Variants in KBTBD8 observed in about 807,000 individuals in gnomAD.
KBTBD8 encodes the protein kelch repeat and BTB domain-containing protein 8.
A neutral mutation model predicts 53.5 loss-of-function variants in KBTBD8; 31 were observed. That is an observed-to-expected ratio of 0.58 (90% CI 0.44 to 0.78). The LOEUF is 0.78. Ranked by LOEUF, KBTBD8 falls within the 30% of genes least tolerant of loss-of-function variation. KBTBD8 has a pLI of 0.00. For missense variants in KBTBD8, 642 were observed against 735.8 expected (o/e 0.87, Z 1.48); for synonymous variants, 250 against 247.3 (o/e 1.01, Z -0.10).
Position 67,010,911 on chromosome 3 carries a change from T to G in KBTBD8, c.*2526T>G, listed in dbSNP as rs1702111621. 6.6e-6 allele frequency: 1 copy of G among 152,640 alleles called. No individual in the cohort carries two copies. The highest frequency in any genetic ancestry group is 2.4e-5 in the African/African-American group (1 of 41,466). The allele number at this position is 152,640 out of a possible 1,614,324, so 9.5% of individuals were successfully genotyped here. A position where few individuals can be genotyped will look rare whatever the true frequency, so the allele number is the denominator to read the frequency against. On this transcript the variant is annotated 3_prime_UTR_variant, in exon 4 of 4. Transcript: ENST00000417314. Reference sequence around the variant, plus strand: ...TGGGTATAACTATGTTATAGGAAAGTAGAAATTGTATTCTTTATTTTCCAT... The same window carrying G: ...TGGGTATAACTATGTTATAGGAAAGGAGAAATTGTATTCTTTATTTTCCAT...
intron 2 of KBTBD8, among the ~76,000 whole-genome samples, chr3:67,000,596 G>T (rs999523986): frequency 6.6e-6 from 1 of 152,098 alleles, no homozygotes; most frequent in Non-Finnish European, 1.5e-5. Flanking sequence ...CAAGTAAATG[G>T]CAGAGGCTAC....
intron 3 of KBTBD8, among the ~76,000 whole-genome samples, chr3:67,005,379 CATGTTTAGAT>C (rs1702056184): frequency 6.6e-6 from 1 of 152,094 alleles, no homozygotes; most frequent in African/African-American, 2.4e-5. Flanking sequence ...GTACTTGTTC[CATGTTTAGAT>C]ATGTTTAGAT....
Position 67,010,047 on chromosome 3 carries a change from A to G in KBTBD8, c.*1662A>G, listed in dbSNP as rs1316967478. ...AGTTAAAATGGACAGCATTTCTAGA[A>G]TTAACATTTTAAAATCTAGTCTTAG... is the stretch of plus-strand genomic sequence containing the variant. On this transcript the variant is annotated 3_prime_UTR_variant, in exon 4 of 4. Coordinates refer to ENST00000417314, the MANE Select transcript of KBTBD8 (RefSeq NM_032505.3). 2.0e-5 allele frequency: 3 copies of G among 152,586 alleles called. No individual in the cohort carries two copies. The highest frequency in any genetic ancestry group is 7.2e-5 in the African/African-American group (3 of 41,454). The allele number at this position is 152,586 out of a possible 1,614,324, so 9.5% of individuals were successfully genotyped here. A position where few individuals can be genotyped will look rare whatever the true frequency, so the allele number is the denominator to read the frequency against.
rs1394266153 is a variant in KBTBD8 at position 67,009,254 on chromosome 3, G to A, written c.*869G>A. 6.6e-6 allele frequency: 1 copy of A among 152,590 alleles called. No homozygotes were observed. The highest frequency in any genetic ancestry group is 1.5e-5 in the Non-Finnish European group (1 of 68,018). The allele number at this position is 152,590 out of a possible 1,614,324, so 9.5% of individuals were successfully genotyped here. ...ACAAGATTCTCTACTTATGTGATAG[G>A]AGGGTATGGCCAGTTATTCATCTAA... On this transcript the variant is annotated 3_prime_UTR_variant, in exon 4 of 4. Coordinates refer to ENST00000417314, the MANE Select transcript of KBTBD8 (RefSeq NM_032505.3).
intron 1 of KBTBD8, 63 bp downstream of exon 1, chr3:66,998,434 G>GC: frequency 8.3e-7 from 1 of 1,200,558 alleles, no homozygotes; most frequent in Non-Finnish European, 1.1e-6. Context: ...GCCGGGGCCG[G>GC]CCACAGGCAG....
At chr3:67,006,940 T>C (rs1300811586) in intron 3 of KBTBD8, among the ~76,000 whole-genome samples, 5 of 152,270 alleles carry the variant, frequency 3.3e-5, no homozygotes. Context: ...TCAGACATTT[T>C]CATATTGGCA....
chr3:67,005,650 C>A (rs1156536481), intron 3 of KBTBD8, among the ~76,000 whole-genome samples: 1 of 151,530 alleles, frequency 6.6e-6, no homozygotes, highest in Non-Finnish European at 1.5e-5. Flanking sequence ...CCCCCTTCCC[C>A]TTCCCTTCTT....
chr3:67,000,456 A>C (rs530561594), intron 2 of KBTBD8, among the ~76,000 whole-genome samples: 2 of 152,224 alleles, frequency 1.3e-5, no homozygotes, highest in South Asian at 4.1e-4. Flanking sequence ...GGCTAAGCTT[A>C]CTTTACATGT....
chr3:67,000,560 A>G (rs1267993083), intron 2 of KBTBD8, among the ~76,000 whole-genome samples: 1 of 152,190 alleles, frequency 6.6e-6, no homozygotes, highest in East Asian at 1.9e-4. Flanking sequence ...TTGAGTTTTA[A>G]TAACCTGCCT....
rs945519190 is a variant in KBTBD8, at chr3:66,999,083, A to T, written c.119A>T (p.Lys40Ile). 3 of 1,614,034 alleles carry T rather than the reference A, an allele frequency of 1.9e-6. No homozygotes were observed. The African/African-American group carries it at 4.0e-5, about 22-fold the overall frequency. ...FHACSILKQL[K>I]TMYDEGQLTD... ...GCTTGCAGTATTCTTAAGCAACTCA[A>T]AACAATGTACGATGAAGGACAGTTG... The change falls in exon 2 of 4, where the codon AAA (lysine) becomes ATA (isoleucine). Residue 40 changes from lysine (K) to isoleucine (I), a missense_variant. Physicochemically the swap from Lys to Ile is moderately radical, Grantham distance 102. Coordinates refer to ENST00000417314, the MANE Select transcript of KBTBD8 (RefSeq NM_032505.3).
In KBTBD8 at chr3:67,004,159, C is replaced by G. The variant is rs149863845; in HGVS notation, c.1192C>G (p.Arg398Gly). The G allele has an allele frequency of 1.2e-6, 2 of 1,614,076 alleles. No homozygotes were observed. Among genetic ancestry groups the G allele is most frequent in the Admixed American group, 1.7e-5 (1 of 60,012 alleles). Residue 398 changes from arginine (R) to glycine (G), a missense_variant, in exon 3 of 4, where the codon CGT becomes GGT. Coordinates refer to ENST00000417314, the MANE Select transcript of KBTBD8 (RefSeq NM_032505.3). ...CCGKMYAIGG[R>G]VYEGDGRNSL... ...TGGTAAAATGTATGCAATCGGAGGT[C>G]GTGTTTATGAAGGTGATGGGAGAAA...
chr3:67,006,217 CCTAA>C (rs1198291580), intron 3 of KBTBD8, among the ~76,000 whole-genome samples: 7 of 152,208 alleles, frequency 4.6e-5, no homozygotes, highest in Admixed American at 1.3e-4. Context: ...GGTCTTACTG[CCTAA>C]CTGTTAGTTG....
chr3:67,007,395 T>C, intron 3 of KBTBD8, among the ~76,000 whole-genome samples: 1 of 150,624 alleles, frequency 6.6e-6, no homozygotes, highest in South Asian at 2.1e-4. Flanking sequence ...CTTGGCTCAC[T>C]GCATCCTTCA....
chr3:66,999,243 C>A, intron 2 of KBTBD8, 52 bp downstream of exon 2: 1 of 1,370,642 alleles, frequency 7.3e-7, no homozygotes, highest in Non-Finnish European at 1.0e-6. Flanking sequence ...CTCCCTTTCC[C>A]CCTCAGTATT....
In KBTBD8 at chr3:67,005,640, CCCCCTT is replaced by C. The variant is rs771017456; in HGVS notation, c.1342+1341_1342+1346del. The stretch of plus-strand genomic sequence containing the variant: ...GTTTTCTTTCTTTCTTCTTTCCCCT[CCCCCTT>C]CCCCTTCCCTTCTTTTCTTTCATTT... On this transcript the variant is annotated intron_variant, in intron 3 of 3. Transcript: ENST00000417314. Among the ~76,000 whole-genome samples the C allele has an allele frequency of 2.2e-4, 34 of 151,764 alleles. No homozygotes were observed. The East Asian group carries it at 6.0e-3, about 27-fold the overall frequency.
In KBTBD8 at chr3:67,010,993, A is replaced by AT; in HGVS notation, c.*2609dup. On this transcript the variant is annotated 3_prime_UTR_variant, in exon 4 of 4. Coordinates refer to ENST00000417314, the MANE Select transcript of KBTBD8 (RefSeq NM_032505.3). ...AAGCATCAAGCTGATTTTATTGGTC[A>AT]TGAGAACAAATGGATGTGATCATGA... 1.3e-5 allele frequency: 2 copies of AT among 152,752 alleles called. No homozygotes were observed. The highest frequency in any genetic ancestry group is 4.8e-5 in the African/African-American group (2 of 41,572). The allele number at this position is 152,752 out of a possible 1,614,324, so 9.5% of individuals were successfully genotyped here. A position where few individuals can be genotyped will look rare whatever the true frequency, so the allele number is the denominator to read the frequency against.
At chr3:67,002,512 CTTTTTTTTTTT>C (rs57174511) in intron 2 of KBTBD8, among the ~76,000 whole-genome samples, 1 of 90,368 alleles carries the variant, frequency 1.1e-5, no homozygotes, top group Non-Finnish European at 2.0e-5. Flanking sequence ...TATAGGTATT[CTTTTTTTTTTT>C]TTTTTTTTTT....
intron 2 of KBTBD8, 107 bp from the exon 3 acceptor site, chr3:67,003,088 T>C: frequency 8.8e-7 from 1 of 1,138,512 alleles, no homozygotes; most frequent in Non-Finnish European, 1.3e-6. Context: ...TAGGAAATAT[T>C]CTGTTTCAAA....
At chr3:67,005,127 A>G (rs1344735310) in intron 3 of KBTBD8, among the ~76,000 whole-genome samples, 6 of 152,094 alleles carry the variant, frequency 3.9e-5, no homozygotes, top group Non-Finnish European at 7.4e-5. Flanking sequence ...TGTGATAACT[A>G]TTTTCCTTTT....
Sources: allele counts gnomAD v4.1 joint callset (sites outside exome capture counted in the v4.1 genomes callset), GRCh38; gene constraint gnomAD v4.1.1; transcripts MANE v1.5; gene names NCBI Gene and HGNC (gene_info 2026-07-23, HGNC 2026-07-21).